The following ZNF804A variants were observed in gnomAD, a reference collection of about 807,000 sequenced individuals.
ZNF804A encodes zinc finger protein 804A.
In ZNF804A, 2 loss-of-function variants were observed where a neutral mutation model predicts 16.5. The observed-to-expected ratio is 0.12, with a 90% CI of 0.05 to 0.38. The LOEUF is 0.38. Among genes scored for constraint, ZNF804A ranks in the 10% least tolerant of loss-of-function variants. The pLI, the probability that ZNF804A is intolerant of heterozygous loss-of-function variation, is 0.99. For synonymous variants in ZNF804A, 534 were observed against 489.6 expected, an observed-to-expected ratio of 1.09 and a Z score of -1.20; for missense variants, 1,473 against 1,390.7, an observed-to-expected ratio of 1.06 and a Z score of -0.94.
At chr2:184,629,424 T>C (rs974497255) in intron 1 of ZNF804A, among the ~76,000 whole-genome samples, 1 of 152,232 alleles carries the variant, frequency 6.6e-6, no homozygotes, top group Non-Finnish European at 1.5e-5. Flanking sequence ...GTTTTCTAAA[T>C]TGAAGAAGTA....
chr2:184,832,573 G>C (rs1323843137), intron 1 of ZNF804A, among the ~76,000 whole-genome samples: 2 of 151,814 alleles, frequency 1.3e-5, no homozygotes. Context: ...CAAGAGATGA[G>C]TTAATCATAC....
intron 1 of ZNF804A, among the ~76,000 whole-genome samples, chr2:184,832,183 G>A (rs549865118): frequency 2.4e-4 from 37 of 151,916 alleles, no homozygotes; most frequent in African/African-American, 7.7e-4. Flanking sequence ...AGAAGCTATC[G>A]AAGGCCTGTA....
intron 1 of ZNF804A, among the ~76,000 whole-genome samples, chr2:184,651,972 A>G (rs144827036): frequency 6.6e-6 from 1 of 152,298 alleles, no homozygotes; most frequent in East Asian, 1.9e-4. Context: ...GTTCTGAAAA[A>G]AAGACACATG....
intron 1 of ZNF804A, among the ~76,000 whole-genome samples, chr2:184,834,718 T>A (rs763037122): frequency 2.7e-4 from 41 of 152,156 alleles, no homozygotes; most frequent in Non-Finnish European, 5.4e-4. Context: ...ATCTGAAGCC[T>A]GAGGTGAAAC....
intron 1 of ZNF804A, among the ~76,000 whole-genome samples, chr2:184,780,136 A>G (rs1694352187): frequency 6.6e-6 from 1 of 151,824 alleles, no homozygotes; most frequent in Non-Finnish European, 1.5e-5. Flanking sequence ...TGATTAAGGT[A>G]TGAGTAAGAA....
intron 1 of ZNF804A, among the ~76,000 whole-genome samples, chr2:184,863,832 AT>A (rs529195229): frequency 1.8e-4 from 28 of 152,272 alleles, no homozygotes; most frequent in African/African-American, 6.3e-4. Context: ...ATAAAGTATT[AT>A]TTTGAAGATT....
intron 1 of ZNF804A, among the ~76,000 whole-genome samples, chr2:184,816,219 G>A (rs1694980487): frequency 6.6e-6 from 1 of 152,020 alleles, no homozygotes; most frequent in Non-Finnish European, 1.5e-5. Flanking sequence ...CAAGCCACTA[G>A]GCAGCAATGG....
chr2:184,854,907 A>G (rs1302721184), intron 1 of ZNF804A, among the ~76,000 whole-genome samples: 1 of 152,096 alleles, frequency 6.6e-6, no homozygotes, highest in Non-Finnish European at 1.5e-5. Context: ...GTGAATATTC[A>G]ACAGAATGGT....
intron 2 of ZNF804A, among the ~76,000 whole-genome samples, chr2:184,931,422 G>A (rs944502217): frequency 6.6e-6 from 1 of 152,154 alleles, no homozygotes; most frequent in Admixed American, 6.5e-5. Flanking sequence ...TCTTGAATTG[G>A]GTGCAGCCAC....
At chr2:184,816,677 G>T (rs1361416137) in intron 1 of ZNF804A, among the ~76,000 whole-genome samples, 1 of 151,868 alleles carries the variant, frequency 6.6e-6, no homozygotes, top group Non-Finnish European at 1.5e-5. Context: ...TTCCCACAAT[G>T]TTACCGTTAT....
intron 1 of ZNF804A, among the ~76,000 whole-genome samples, chr2:184,764,625 T>C (rs980755948): frequency 3.3e-5 from 5 of 152,146 alleles, no homozygotes; most frequent in African/African-American, 1.2e-4. Flanking sequence ...TTAAAAAAGA[T>C]ACAAAACAAC....
At chr2:184,809,445 A>T (rs1558967905) in intron 1 of ZNF804A, among the ~76,000 whole-genome samples, 1 of 151,834 alleles carries the variant, frequency 6.6e-6, no homozygotes, top group Non-Finnish European at 1.5e-5. Context: ...AGGCACAAAG[A>T]TTTAAAATAT....
intron 1 of ZNF804A, among the ~76,000 whole-genome samples, chr2:184,799,793 C>G (rs1477064079): frequency 1.3e-5 from 2 of 152,124 alleles, no homozygotes; most frequent in Non-Finnish European, 2.9e-5. Flanking sequence ...ATCTGCCTGC[C>G]TCAGGCTCCC....
At position 184,666,039 on chromosome 2, in the gene ZNF804A, T is replaced by G. The variant is rs1189325097; in HGVS notation, c.111+66969T>G. ...TTCATCTGCGAAATCCTTTTTACTG[T>G]GCTACTAACTGTGGCTATAACACCA... On this transcript the variant is annotated intron_variant, in intron 1 of 3. Transcript: ENST00000302277. 6.6e-5 allele frequency among the ~76,000 whole-genome samples: 10 copies of G among 152,166 alleles called. No individual in the cohort carries two copies. The East Asian group carries it at 1.9e-3, about 29-fold the overall frequency.
intron 1 of ZNF804A, among the ~76,000 whole-genome samples, chr2:184,747,717 G>A (rs1289377423): frequency 6.6e-6 from 1 of 150,714 alleles, no homozygotes; most frequent in Non-Finnish European, 1.5e-5. Flanking sequence ...AGATACAGGA[G>A]GTACATGTGT....
At chr2:184,796,222 C>T (rs916788515) in intron 1 of ZNF804A, among the ~76,000 whole-genome samples, 2 of 152,022 alleles carry the variant, frequency 1.3e-5, no homozygotes, top group Non-Finnish European at 2.9e-5. Flanking sequence ...TAGGGTGATA[C>T]TGACTTCATA....
chr2:184,780,200 T>A (rs1190543607), intron 1 of ZNF804A, among the ~76,000 whole-genome samples: 1 of 151,762 alleles, frequency 6.6e-6, no homozygotes, highest in Non-Finnish European at 1.5e-5. Flanking sequence ...CTGGCCATGT[T>A]ATGTAGTACC....
chr2:184,722,204 A>G (rs1055118032), intron 1 of ZNF804A, among the ~76,000 whole-genome samples: 6 of 152,100 alleles, frequency 3.9e-5, no homozygotes, highest in Admixed American at 6.6e-5. Flanking sequence ...TGTTATGCTT[A>G]AGTAGACAGT....
chr2:184,626,589 T>C (rs1211366667), intron 1 of ZNF804A, among the ~76,000 whole-genome samples: 2 of 152,198 alleles, frequency 1.3e-5, no homozygotes, highest in Non-Finnish European at 2.9e-5. Flanking sequence ...TTATTATGTT[T>C]ATCTATTCAT....
Sources: allele counts gnomAD v4.1 joint callset (sites outside exome capture counted in the v4.1 genomes callset), GRCh38; gene constraint gnomAD v4.1.1; transcripts MANE v1.5; gene names NCBI Gene and HGNC (gene_info 2026-07-23, HGNC 2026-07-21).